Variants in RAB2A observed in about 807,000 individuals in gnomAD.
RAB2A encodes RAB2A, member RAS oncogene family, also known as ras-related protein Rab-2A.
In RAB2A, 7 loss-of-function variants were observed where a neutral mutation model predicts 32.5. That is an observed-to-expected ratio of 0.22 (90% CI 0.12 to 0.40). The LOEUF is 0.40. RAB2A is among the 10% of genes least tolerant of loss of function. RAB2A has a pLI of 1.00. For synonymous variants in RAB2A, 79 were observed against 85.2 expected (o/e 0.93, Z 0.40); for missense variants, 108 against 260.7 (o/e 0.41, Z 4.03).
intron 6 of RAB2A, among the ~76,000 whole-genome samples, chr8:60,594,604 G>A (rs1323128333): frequency 6.6e-6 from 1 of 152,112 alleles, no homozygotes; most frequent in African/African-American, 2.4e-5. Context: ...TTTACATTGG[G>A]TATTTCTCCT....
intron 3 of RAB2A, among the ~76,000 whole-genome samples, chr8:60,573,868 G>A (rs547753289): frequency 1.2e-4 from 18 of 152,268 alleles, no homozygotes; most frequent in African/African-American, 2.6e-4. Context: ...CTGCAGCCTC[G>A]AGCTCCTGGG....
At chr8:60,545,426 G>T (rs903080560) in intron 1 of RAB2A, among the ~76,000 whole-genome samples, 6 of 151,880 alleles carry the variant, frequency 4.0e-5, no homozygotes, top group Admixed American at 1.3e-4. Context: ...CCAAGTAGCT[G>T]AGACTACTGC....
chr8:60,558,822 G>C (rs1563469650), intron 1 of RAB2A, 30 bp from the exon 2 acceptor site: 1 of 1,559,658 alleles, frequency 6.4e-7, no homozygotes, highest in African/African-American at 1.4e-5. Flanking sequence ...TGTGAATTTT[G>C]TCTCTTATTT....
At chr8:60,570,674 C>T (rs892015880) in intron 2 of RAB2A, among the ~76,000 whole-genome samples, 1 of 152,158 alleles carries the variant, frequency 6.6e-6, no homozygotes, top group South Asian at 2.1e-4. Flanking sequence ...ACTCCTGGAT[C>T]TCTTTTCTCT....
intron 3 of RAB2A, among the ~76,000 whole-genome samples, 165 bp downstream of exon 3, chr8:60,572,278 T>C (rs533054205): frequency 6.6e-6 from 1 of 152,326 alleles, no homozygotes; most frequent in Admixed American, 6.5e-5. Flanking sequence ...GTTTTTCTTA[T>C]GCACTGTTTT....
At chr8:60,544,612 C>G (rs1228093267) in intron 1 of RAB2A, among the ~76,000 whole-genome samples, 1 of 111,664 alleles carries the variant, frequency 9.0e-6, no homozygotes, top group Non-Finnish European at 1.7e-5. Context: ...CCAGGCTGGT[C>G]TTTAAACTCC....
intron 2 of RAB2A, among the ~76,000 whole-genome samples, chr8:60,566,490 A>G (rs1009752976): frequency 2.0e-5 from 3 of 152,120 alleles, no homozygotes; most frequent in East Asian, 1.9e-4. Flanking sequence ...TTTAACTCAA[A>G]TCTACTGTGG....
intron 1 of RAB2A, among the ~76,000 whole-genome samples, chr8:60,525,209 G>A (rs1001925432): frequency 1.1e-4 from 17 of 152,144 alleles, no homozygotes; most frequent in African/African-American, 4.1e-4. Flanking sequence ...GAAGGTGATT[G>A]GATCATGGGG....
chr8:60,535,902 C>G (rs643315), intron 1 of RAB2A, among the ~76,000 whole-genome samples: 1 of 152,174 alleles, frequency 6.6e-6, no homozygotes, highest in Admixed American at 6.5e-5. Flanking sequence ...TTGGCTCAGT[C>G]TAGGACACCT....
chr8:60,519,259 C>A (rs1340998162), intron 1 of RAB2A, among the ~76,000 whole-genome samples: 2 of 152,184 alleles, frequency 1.3e-5, no homozygotes, highest in African/African-American at 4.8e-5. Flanking sequence ...CCTGTTTGCT[C>A]ACAATTTTTA....
At chr8:60,568,217 A>T (rs1586087663) in intron 2 of RAB2A, among the ~76,000 whole-genome samples, 1 of 152,150 alleles carries the variant, frequency 6.6e-6, no homozygotes, top group Non-Finnish European at 1.5e-5. Context: ...CCCACCTAGT[A>T]CCTCAGCAGC....
At chr8:60,579,006 CTGAG>C (rs1803688876) in intron 3 of RAB2A, among the ~76,000 whole-genome samples, 1 of 152,076 alleles carries the variant, frequency 6.6e-6, no homozygotes, top group Non-Finnish European at 1.5e-5. Flanking sequence ...TTTTGCATCT[CTGAG>C]TATTTTGTGA....
intron 6 of RAB2A, among the ~76,000 whole-genome samples, chr8:60,597,467 T>A (rs1315720237): frequency 2.0e-5 from 3 of 151,972 alleles, no homozygotes; most frequent in African/African-American, 7.3e-5. Context: ...AGGGGAAGGA[T>A]AGCATTAGGA....
At chr8:60,548,717 CG>C in intron 1 of RAB2A, among the ~76,000 whole-genome samples, 1 of 128,520 alleles carries the variant, frequency 7.8e-6, no homozygotes, top group South Asian at 2.6e-4. Flanking sequence ...TAGGGGCAGC[CG>C]GGCAGAGGCA....
At chr8:60,602,504 A>C (rs1169397401) in intron 6 of RAB2A, among the ~76,000 whole-genome samples, 1 of 152,234 alleles carries the variant, frequency 6.6e-6, no homozygotes, top group Non-Finnish European at 1.5e-5. Flanking sequence ...GAAGACTAAC[A>C]AAAGGGTTTC....
chr8:60,517,201 C>A lies in RAB2A; in HGVS notation c.-7C>A. The A allele has an allele frequency of 2.7e-6, 4 of 1,488,532 alleles. No homozygotes were observed. In the South Asian group the frequency reaches 3.8e-5, roughly 14 times the overall value. The allele number at this position is 1,488,532 out of a possible 1,614,324, so 92.2% of individuals were successfully genotyped here. ...GCCGTGTGCCCTGGCACTGAGCGGC[C>A]GCGGCCATGGCGTACGCCTATCTCT... On this transcript the variant is annotated 5_prime_UTR_variant, in exon 1 of 8. Transcript: ENST00000262646.
intron 1 of RAB2A, among the ~76,000 whole-genome samples, chr8:60,541,653 C>T (rs1807646994): frequency 6.6e-6 from 1 of 152,218 alleles, no homozygotes; most frequent in African/African-American, 2.4e-5. Flanking sequence ...CACACTATTG[C>T]ACTCCAGACT....
intron 2 of RAB2A, among the ~76,000 whole-genome samples, chr8:60,562,022 A>G (rs1808033592): frequency 6.6e-6 from 1 of 152,172 alleles, no homozygotes; most frequent in Non-Finnish European, 1.5e-5. Context: ...TGTGCCGTCA[A>G]GTCTTTGCTG....
intron 2 of RAB2A, among the ~76,000 whole-genome samples, chr8:60,566,121 C>T (rs191334592): frequency 2.0e-5 from 3 of 152,220 alleles, no homozygotes; most frequent in Admixed American, 2.0e-4. Context: ...TAACTTTGGC[C>T]CTCCAGCAAC....
Sources: allele counts gnomAD v4.1 joint callset (sites outside exome capture counted in the v4.1 genomes callset), GRCh38; gene constraint gnomAD v4.1.1; transcripts MANE v1.5; gene names NCBI Gene and HGNC (gene_info 2026-07-23, HGNC 2026-07-21).